CEACAM4: variants seen among roughly 807,000 people sequenced by gnomAD.
The protein encoded by CEACAM4 is cell adhesion molecule CEACAM4.
In CEACAM4, 30 loss-of-function variants were observed where a neutral mutation model predicts 28.7. That is an observed-to-expected ratio of 1.05 (90% CI 0.78 to 1.42). CEACAM4 has a LOEUF of 1.42. Among genes scored for constraint, CEACAM4 ranks in the 40% most tolerant of loss-of-function variants. The pLI is 0.00. For missense variants in CEACAM4, 330 were observed against 308.2 expected, an observed-to-expected ratio of 1.07 and a Z score of -0.53; for synonymous variants, 143 against 126.5, an observed-to-expected ratio of 1.13 and a Z score of -0.87.
downstream of CEACAM4, among the ~76,000 whole-genome samples, chr19:41,614,597 A>C (rs548453125): frequency 6.6e-6 from 1 of 152,162 alleles, no homozygotes; most frequent in South Asian, 2.1e-4. Flanking sequence ...TCCATCCTCC[A>C]CCTTGTCCCT....
At chr19:41,614,867 A>G (rs1316088763), downstream of CEACAM4, among the ~76,000 whole-genome samples, 1 of 137,340 alleles carries the variant, frequency 7.3e-6, no homozygotes, top group East Asian at 2.4e-4. Context: ...ACCACAAGGT[A>G]GGTGGATGGG....
At position 41,619,176 on chromosome 19, in the gene CEACAM4, C is replaced by G. The variant is rs558445231; in HGVS notation, c.*154G>C. 66 of 670,982 alleles carry G rather than the reference C, an allele frequency of 9.8e-5. No homozygotes were observed. Among genetic ancestry groups the G allele is most frequent in the Admixed American group, 2.1e-4 (8 of 38,762 alleles). 41.6% of individuals were successfully genotyped at this position (670,982 alleles called of 1,614,324 possible). A position where few individuals can be genotyped will look rare whatever the true frequency, so the allele number is the denominator to read the frequency against. ...CAACCTGTCAGGGTCTCCAGATATTCAGCAGGGACTCCCATCCCTCCCTGT... is the reference window on the plus strand; with the variant it reads ...CAACCTGTCAGGGTCTCCAGATATTGAGCAGGGACTCCCATCCCTCCCTGT... On this transcript the variant is annotated 3_prime_UTR_variant, in exon 7 of 7. Coordinates refer to ENST00000221954, the MANE Select transcript of CEACAM4 (RefSeq NM_001817.4).
chr19:41,622,142 A>G (rs569043549), intron 2 of CEACAM4, among the ~76,000 whole-genome samples: 2 of 151,608 alleles, frequency 1.3e-5, no homozygotes, highest in East Asian at 3.9e-4. Context: ...CACTGACGCA[A>G]TCTCGGCTCA....
At chr19:41,618,936 C>T, downstream of CEACAM4, 1 of 205,554 alleles carries the variant, frequency 4.9e-6, no homozygotes, top group Non-Finnish European at 9.7e-6. Flanking sequence ...AGATATTTTC[C>T]CTGTGTGACC....
downstream of CEACAM4, among the ~76,000 whole-genome samples, chr19:41,614,125 C>T (rs1242239831): frequency 1.3e-5 from 2 of 152,192 alleles, no homozygotes; most frequent in Non-Finnish European, 2.9e-5. Flanking sequence ...CATTGCATGG[C>T]TACACTATGA....
chr19:41,623,513 A>AGCAG (rs1555802614), intron 2 of CEACAM4, among the ~76,000 whole-genome samples: 1 of 140,942 alleles, frequency 7.1e-6, no homozygotes, highest in Non-Finnish European at 1.5e-5. Flanking sequence ...AACTTGGGTG[A>AGCAG]GCAGGCGTTC....
At chr19:41,625,502 A>G in intron 2 of CEACAM4, 99 bp downstream of exon 2, 1 of 1,410,196 alleles carries the variant, frequency 7.1e-7, no homozygotes, top group Non-Finnish European at 9.7e-7. Flanking sequence ...CACGGGACAA[A>G]ATGCAGAGGG....
In CEACAM4 at chr19:41,625,791, G is replaced by C; in HGVS notation, c.234C>G (p.Leu78=). Residue 78 remains leucine, a synonymous_variant, in exon 2 of 7, where the codon CTC becomes CTG. Coordinates refer to ENST00000221954, the MANE Select transcript of CEACAM4 (RefSeq NM_001817.4). ...HKGKTAEGSP[L]IAGYITDIQA... ...GAATGTCTGTTATATAACCAGCAATGAGAGGGCTCCCTTCTGCCGTTTTCC... is the reference window on the plus strand; with the variant it reads ...GAATGTCTGTTATATAACCAGCAATCAGAGGGCTCCCTTCTGCCGTTTTCC... 6.2e-7 allele frequency: 1 copy of C among 1,614,014 alleles called. No homozygotes were observed. Among genetic ancestry groups the C allele is most frequent in the Non-Finnish European group, 8.5e-7 (1 of 1,179,952 alleles).
downstream of CEACAM4, among the ~76,000 whole-genome samples, chr19:41,616,137 C>A (rs1199357592): frequency 1.3e-5 from 2 of 152,182 alleles, no homozygotes; most frequent in Admixed American, 6.5e-5. Flanking sequence ...TCAGGCAATT[C>A]TCCTGCCTCA....
Position 41,625,935 on chromosome 19 carries a change from C to A in CEACAM4, c.90G>T (p.Pro30=), listed in dbSNP as rs782380374. ...ITASLLTFWH[P]PTTVQFTIEA... ...CAATAGTGAACTGGACAGTGGTGGG[C>A]GGGTGCCAGAAGGTTAAAAGTGAGG... Residue 30 remains proline, a synonymous_variant, in exon 2 of 7, where the codon CCG becomes CCT. Transcript: ENST00000221954. 2 of 1,611,958 alleles carry A rather than the reference C, an allele frequency of 1.2e-6. No homozygotes were observed. Among genetic ancestry groups the A allele is most frequent in the Non-Finnish European group, 1.7e-6 (2 of 1,178,862 alleles).
chr19:41,621,258 G>T (rs922151167), intron 3 of CEACAM4, among the ~76,000 whole-genome samples: 4 of 152,076 alleles, frequency 2.6e-5, no homozygotes, highest in African/African-American at 9.7e-5. Context: ...CCCACTGCGT[G>T]ACCATGCCCA....
chr19:41,614,191 G>T (rs2070963011), downstream of CEACAM4, among the ~76,000 whole-genome samples: 1 of 152,174 alleles, frequency 6.6e-6, no homozygotes, highest in Non-Finnish European at 1.5e-5. Flanking sequence ...TTGTCACATT[G>T]ACATGACCTT....
At chr19:41,619,613 G>T in intron 6 of CEACAM4, 57 bp downstream of exon 6, 1 of 1,569,754 alleles carries the variant, frequency 6.4e-7, no homozygotes, top group Non-Finnish European at 8.6e-7. Context: ...GCTGGTGGGG[G>T]CAGATCCTGG....
downstream of CEACAM4, among the ~76,000 whole-genome samples, chr19:41,614,049 G>A (rs1555798559): frequency 6.6e-6 from 1 of 152,240 alleles, no homozygotes; most frequent in East Asian, 1.9e-4. Context: ...GGTGCAGCAT[G>A]TATGGAGGGC....
At chr19:41,616,276 C>A (rs1201881154), downstream of CEACAM4, among the ~76,000 whole-genome samples, 2 of 152,160 alleles carry the variant, frequency 1.3e-5, no homozygotes, top group East Asian at 3.9e-4. Context: ...AAGTGATCTG[C>A]CTGCCTCAGC....
chr19:41,624,281 T>A (rs2071498941), intron 2 of CEACAM4, among the ~76,000 whole-genome samples: 1 of 152,176 alleles, frequency 6.6e-6, no homozygotes, highest in Non-Finnish European at 1.5e-5. Context: ...ATGAGAGAAC[T>A]ACGGAGTATG....
intron 3 of CEACAM4, among the ~76,000 whole-genome samples, chr19:41,620,908 A>G (rs1191324650): frequency 6.6e-6 from 1 of 151,950 alleles, no homozygotes; most frequent in Non-Finnish European, 1.5e-5. Context: ...CAGGGAGGGA[A>G]TCAGACCACC....
Position 41,625,673 on chromosome 19 carries a change from C to T in CEACAM4, c.352G>A (p.Gly118Arg), listed in dbSNP as rs201885392. 206 of 1,612,952 alleles carry T rather than the reference C, an allele frequency of 1.3e-4. No homozygotes were observed. The highest frequency in any genetic ancestry group is 1.3e-4 in the Non-Finnish European group (148 of 1,179,382). ...TTTATGGTTCGTAGGGTGTAGGATC[C>T]TGCGTCCTCCAGGGTGATGTTTTGG... The part of the protein sequence containing the change: ...LFQNITLEDA[G>R]SYTLRTINAS... Residue 118 changes from glycine to arginine, a missense_variant, in exon 2 of 7, where the codon GGA becomes AGA. By Grantham distance (125) the Gly-to-Arg change is moderately radical. Coordinates refer to ENST00000221954, the MANE Select transcript of CEACAM4 (RefSeq NM_001817.4).
downstream of CEACAM4, among the ~76,000 whole-genome samples, chr19:41,615,365 G>A (rs2070972500): frequency 6.6e-6 from 1 of 152,162 alleles, no homozygotes; most frequent in Admixed American, 6.5e-5. Context: ...GGGGTGGGAG[G>A]AGAGGGATGA....
Sources: allele counts gnomAD v4.1 joint callset (sites outside exome capture counted in the v4.1 genomes callset), GRCh38; gene constraint gnomAD v4.1.1; transcripts MANE v1.5; gene names NCBI Gene and HGNC (gene_info 2026-07-23, HGNC 2026-07-21).